DNAAF1: variants seen among roughly 807,000 people sequenced by gnomAD.
DNAAF1 encodes dynein axonemal assembly factor 1.
DNAAF1 carries 65 observed loss-of-function variants against 71.1 expected under a neutral mutation model. The ratio of observed to expected loss-of-function variants is 0.91; its 90% confidence interval spans 0.75 to 1.12. DNAAF1 has a LOEUF of 1.12. Ranked by LOEUF, DNAAF1 falls within the 50% of genes most tolerant of loss-of-function variation. DNAAF1 has a pLI of 0.00. For synonymous variants in DNAAF1, 414 were observed against 354.6 expected, an observed-to-expected ratio of 1.17 and a Z score of -1.88; for missense variants, 1,178 against 899.8, an observed-to-expected ratio of 1.31 and a Z score of -3.96.
chr16:84,154,844 C>A, intron 4 of DNAAF1, 46 bp downstream of exon 4: 1 of 1,436,874 alleles, frequency 7.0e-7, no homozygotes, highest in South Asian at 1.1e-5. Context: ...ATATGTCCAT[C>A]ACCTTCCCCT....
Position 84,148,596 on chromosome 16 carries a change from C to CTCTCTCTCTTTTTTTTTTTTTTTT in DNAAF1, c.125-410_125-409insCTCTCTCTTTTTTTTTTTTTTTTT. Reference sequence around the variant, plus strand: ...AAAGATTACTGTTCTCTCTCTCTCTCTTTTTTTTTTTTTTTTTTGGTGAGA... The same window carrying CTCTCTCTCTTTTTTTTTTTTTTTT: ...AAAGATTACTGTTCTCTCTCTCTCTCTCTCTCTCTTTTTTTTTTTTTTTTTTTTTTTTTTTTTTTTTTGGTGAGA... On this transcript the variant is annotated intron_variant, in intron 1 of 11. Transcript: ENST00000378553. Among the ~76,000 whole-genome samples, 18 of 43,574 alleles carry CTCTCTCTCTTTTTTTTTTTTTTTT rather than the reference C, an allele frequency of 4.1e-4. 1 individual carries two copies. Among genetic ancestry groups the CTCTCTCTCTTTTTTTTTTTTTTTT allele is most frequent in the African/African-American group, 1.6e-3 (17 of 10,858 alleles). 28.6% of individuals were successfully genotyped at this position (43,574 alleles called of 152,430 possible). A position where few individuals can be genotyped will look rare whatever the true frequency, so the allele number is the denominator to read the frequency against.
intron 3 of DNAAF1, among the ~76,000 whole-genome samples, chr16:84,153,136 G>C (rs565504925): frequency 6.6e-6 from 1 of 152,126 alleles, no homozygotes; most frequent in East Asian, 1.9e-4. Context: ...TGGTGTTGTG[G>C]CTATCTTAAA....
Position 84,177,869 on chromosome 16 carries a change from G to A in DNAAF1, c.*28G>A, listed in dbSNP as rs756393540. 1 of 1,576,434 alleles carries A rather than the reference G, an allele frequency of 6.3e-7. No homozygotes were observed. The highest frequency in any genetic ancestry group is 1.3e-5 in the African/African-American group (1 of 74,176). ...TTCCCCAGTTATATGTAGCATAAAT[G>A]GTTTAATCATAAATGTCTCCCTTAG... On this transcript the variant is annotated 3_prime_UTR_variant, in exon 12 of 12. Coordinates refer to ENST00000378553, the MANE Select transcript of DNAAF1 (RefSeq NM_178452.6).
chr16:84,153,242 A>C (rs1175777718), intron 3 of DNAAF1, among the ~76,000 whole-genome samples: 2 of 152,116 alleles, frequency 1.3e-5, no homozygotes, highest in Admixed American at 1.3e-4. Context: ...TTTTGTGGAG[A>C]GGGTTTGCAA....
Position 84,174,913 on chromosome 16 carries a change from T to C in DNAAF1, c.1698+191T>C, listed in dbSNP as rs542436156. The C allele has an allele frequency of 6.3e-5, 43 of 686,048 alleles. No homozygotes were observed. The East Asian group carries it at 1.3e-3, about 20-fold the overall frequency. 42.5% of individuals were successfully genotyped at this position (686,048 alleles called of 1,614,324 possible). A position where few individuals can be genotyped will look rare whatever the true frequency, so the allele number is the denominator to read the frequency against. ...CTCTGTCACCCAGGCTGCAGTGCAATAGTGTGTTCTTGGCTCACTGCAACC... is the reference window on the plus strand; with the variant it reads ...CTCTGTCACCCAGGCTGCAGTGCAACAGTGTGTTCTTGGCTCACTGCAACC... On this transcript the variant is annotated intron_variant, in intron 10 of 11. Coordinates refer to ENST00000378553, the MANE Select transcript of DNAAF1 (RefSeq NM_178452.6).
chr16:84,155,566 C>A lies in DNAAF1; in HGVS notation c.575-17C>A. 7 of 1,613,912 alleles carry A rather than the reference C, an allele frequency of 4.3e-6. No individual in the cohort carries two copies. Among genetic ancestry groups the A allele is most frequent in the Non-Finnish European group, 5.9e-6 (7 of 1,179,920 alleles). On this transcript the variant is annotated splice_polypyrimidine_tract_variant and intron_variant, in intron 4 of 11. Coordinates refer to ENST00000378553, the MANE Select transcript of DNAAF1 (RefSeq NM_178452.6). ...TTTATGCCTTTGTTTTTGACTTCTG[C>A]TGACCTTACCTTCCAGCCTGCCTCC...
chr16:84,163,874 G>A (rs1007870060), intron 6 of DNAAF1, among the ~76,000 whole-genome samples: 1 of 115,314 alleles, frequency 8.7e-6, no homozygotes, highest in African/African-American at 3.6e-5. Flanking sequence ...TTTTTTTTTT[G>A]TGGGGGACAG....
rs11292642 is a variant in DNAAF1 at position 84,159,973 on chromosome 16, AT to A, written c.863+184del. Among the ~76,000 whole-genome samples the A allele has an allele frequency of 0.33, 49,818 of 151,966 alleles. 8,425 individuals carry two copies. Among genetic ancestry groups the A allele is most frequent in the East Asian group, 0.42 (2,154 of 5,174 alleles). On this transcript the variant is annotated intron_variant, in intron 6 of 11. Coordinates refer to ENST00000378553, the MANE Select transcript of DNAAF1 (RefSeq NM_178452.6). ...TGGGAATTTGAGCACTTATTCATAG[AT>A]TTTTTTATATTCCTTTGATAAATAT...
intron 7 of DNAAF1, 111 bp from the exon 8 acceptor site, chr16:84,169,748 C>T (rs1034271945): frequency 2.7e-6 from 4 of 1,492,676 alleles, no homozygotes; most frequent in South Asian, 1.1e-5. Flanking sequence ...TAACTGTGTT[C>T]CTGACCTTTT....
intron 1 of DNAAF1, among the ~76,000 whole-genome samples, chr16:84,145,985 T>C (rs959066206): frequency 1.3e-5 from 2 of 151,984 alleles, no homozygotes; most frequent in Non-Finnish European, 2.9e-5. Context: ...TAGTCTCAGC[T>C]ACTTGGGAGG....
rs2088234826 is a variant in DNAAF1 at position 84,169,935 on chromosome 16, A to C, written c.1107A>C (p.Arg369Ser). 1 of 1,614,180 alleles carries C rather than the reference A, an allele frequency of 6.2e-7. No homozygotes were observed. The highest frequency in any genetic ancestry group is 8.5e-7 in the Non-Finnish European group (1 of 1,180,040). Reference protein sequence around the residue: ...AEGKEEPPGDRETRQKMELFV... With the variant: ...AEGKEEPPGDSETRQKMELFV... ...GCAAGGAGGAGCCTCCCGGGGACAG[A>C]GAAACAAGGCAGAAGATGGAGCTAT... is the stretch of plus-strand genomic sequence containing the variant. The change falls in exon 8 of 12, where the codon AGA (arginine) becomes AGC (serine). Residue 369 changes from arginine to serine, a missense_variant. Physicochemically the swap from Arg to Ser is moderately radical, Grantham distance 110 (BLOSUM62 -1). Coordinates refer to ENST00000378553, the MANE Select transcript of DNAAF1 (RefSeq NM_178452.6).
At chr16:84,174,165 T>A in intron 9 of DNAAF1, 1 of 1,001,298 alleles carries the variant, frequency 1.0e-6, no homozygotes, top group Non-Finnish European at 1.2e-6. Context: ...TGGCTCCAGT[T>A]CATGCATCCA....
At chr16:84,159,251 G>A (rs941149434) in intron 5 of DNAAF1, 10 of 1,082,410 alleles carry the variant, frequency 9.2e-6, no homozygotes, top group Non-Finnish European at 1.1e-5. Context: ...AGTCACTGCT[G>A]CTTCTCTGTC....
intron 7 of DNAAF1, among the ~76,000 whole-genome samples, chr16:84,167,149 C>T (rs115802035): frequency 0.03 from 4,627 of 152,248 alleles, 108 homozygotes; most frequent in African/African-American, 0.047. Context: ...GCTATGATGG[C>T]TCACAGAACT....
At position 84,145,524 on chromosome 16, in the gene DNAAF1, G is replaced by T; in HGVS notation, c.84G>T (p.Ala28=). Reference sequence around the variant, plus strand: ...AGGAGCCCGGCGTGGAGGAGTCTGCGGGTGACCACGGGAGCGCAGGCCGAG... The same window carrying T: ...AGGAGCCCGGCGTGGAGGAGTCTGCTGGTGACCACGGGAGCGCAGGCCGAG... ...CAQEPGVEES[A]GDHGSAGRGG... Residue 28 remains alanine, a synonymous_variant, in exon 1 of 12, where the codon GCG becomes GCT. Transcript: ENST00000378553. 1 of 1,555,290 alleles carries T rather than the reference G, an allele frequency of 6.4e-7. No individual in the cohort carries two copies. The highest frequency in any genetic ancestry group is 1.2e-5 in the South Asian group (1 of 84,448).
chr16:84,165,648 T>C, intron 6 of DNAAF1, 135 bp from the exon 7 acceptor site: 1 of 859,208 alleles, frequency 1.2e-6, no homozygotes, highest in Non-Finnish European at 2.0e-6. Flanking sequence ...AAAATTTACA[T>C]GTGGAACTTT....
In DNAAF1 at chr16:84,159,778, C is replaced by A. The variant is rs1469497893; in HGVS notation, c.845C>A (p.Pro282Gln). The A allele has an allele frequency of 6.2e-7, 1 of 1,613,688 alleles. No individual in the cohort carries two copies. Among genetic ancestry groups the A allele is most frequent in the Non-Finnish European group, 8.5e-7 (1 of 1,179,856 alleles). The change falls in exon 6 of 12, where the codon CCA becomes CAA. Residue 282 changes from proline (P) to glutamine (Q), a missense_variant. Coordinates refer to ENST00000378553, the MANE Select transcript of DNAAF1 (RefSeq NM_178452.6). ...CACTTAACATACCTGGATGATAGAC[C>A]AGTGTTTCCAAAGGACAGGTAAGAA... ...LKHLTYLDDR[P>Q]VFPKDRACAE... is the part of the protein sequence containing the mutation.
At chr16:84,161,047 C>G (rs2087686476) in intron 6 of DNAAF1, among the ~76,000 whole-genome samples, 2 of 152,128 alleles carry the variant, frequency 1.3e-5, no homozygotes, top group Non-Finnish European at 1.5e-5. Flanking sequence ...GGGAGAGCAG[C>G]CAGTGTGCAG....
In DNAAF1 at chr16:84,155,587, C is replaced by T. The variant is rs1414007435; in HGVS notation, c.579C>T (p.Cys193=). The part of the protein sequence containing the change: ...NYIKTIENLS[C]LPVLNTLQMA... The stretch of plus-strand genomic sequence containing the variant: ...TCTGCTGACCTTACCTTCCAGCCTG[C>T]CTCCCAGTCCTGAACACATTGCAGA... Residue 193 remains cysteine (C), a synonymous_variant, in exon 5 of 12, where the codon TGC becomes TGT. Coordinates refer to ENST00000378553, the MANE Select transcript of DNAAF1 (RefSeq NM_178452.6). The T allele has an allele frequency of 2.5e-6, 4 of 1,614,076 alleles. No individual in the cohort carries two copies. The highest frequency in any genetic ancestry group is 3.4e-6 in the Non-Finnish European group (4 of 1,179,990).
Sources: gnomAD v4.1 joint callset for allele counts (sites outside exome capture counted in the v4.1 genomes callset) on GRCh38, gnomAD v4.1.1 for gene constraint, MANE v1.5 for transcripts, NCBI Gene and HGNC (gene_info 2026-07-23, HGNC 2026-07-21) for gene names.